CACNG4: variants seen among roughly 807,000 people sequenced by gnomAD.
The protein encoded by CACNG4 is voltage-dependent calcium channel gamma-4 subunit.
Under a neutral mutation model 22.9 loss-of-function variants are expected in CACNG4, and 8 were observed. The ratio of observed to expected loss-of-function variants is 0.35; its 90% CI spans 0.21 to 0.63. The LOEUF is 0.63. Among genes scored for constraint, CACNG4 ranks in the 30% least tolerant of loss-of-function variants. CACNG4 has a pLI of 0.72. For synonymous variants in CACNG4, 188 were observed against 191.9 expected (o/e 0.98, Z 0.17); for missense variants, 357 against 455.4 (o/e 0.78, Z 1.97).
At chr17:67,020,798 C>T (rs2035527073) in intron 2 of CACNG4, among the ~76,000 whole-genome samples, 2 of 152,128 alleles carry the variant, frequency 1.3e-5, no homozygotes, top group Non-Finnish European at 2.9e-5. Flanking sequence ...TCTTCTGGTC[C>T]CTGTCCAGAC....
intron 1 of CACNG4, among the ~76,000 whole-genome samples, chr17:66,967,679 A>G (rs1016372902): frequency 1.3e-5 from 2 of 152,246 alleles, no homozygotes; most frequent in Admixed American, 6.5e-5. Context: ...AAATGAACAG[A>G]AGAAAATGAA....
Position 67,031,018 on chromosome 17 carries a change from T to A in CACNG4, c.*14T>A, listed in dbSNP as rs200543453. 2 of 1,601,690 alleles carry A rather than the reference T, an allele frequency of 1.2e-6. No homozygotes were observed. The highest frequency in any genetic ancestry group is 4.5e-5 in the East Asian group (2 of 44,690). ...ACCCCTGTGTGAGCCGCCTGCCCTT[T>A]CTCTCCGCTCCAGCCTCTCCCCAGA... On this transcript the variant is annotated 3_prime_UTR_variant, in exon 4 of 4. Coordinates refer to ENST00000262138, the MANE Select transcript of CACNG4 (RefSeq NM_014405.4). This position sits in a 1 kb window ranked among gnomAD's most constrained non-coding sequence, Gnocchi z 4.0.
chr17:67,022,829 T>A (rs2035540263), intron 2 of CACNG4, among the ~76,000 whole-genome samples: 1 of 152,224 alleles, frequency 6.6e-6, no homozygotes, highest in African/African-American at 2.4e-5. Context: ...CCCTCTCGCC[T>A]TCCTCCCAGC....
In CACNG4 at chr17:67,018,275, G is replaced by C; in HGVS notation, c.304+3G>C. The C allele has an allele frequency of 6.2e-7, 1 of 1,610,928 alleles. No homozygotes were observed. The highest frequency in any genetic ancestry group is 8.5e-7 in the Non-Finnish European group (1 of 1,177,040). On this transcript the variant is annotated splice_donor_region_variant and intron_variant, in intron 2 of 3. Transcript: ENST00000262138. ...CGACAGCTCGGAGTACCTCCTCCGT[G>C]AGTGTCAGGAGGCCTGGACTCTCTT...
At chr17:66,999,136 A>G (rs1463111321) in intron 1 of CACNG4, among the ~76,000 whole-genome samples, 1 of 152,180 alleles carries the variant, frequency 6.6e-6, no homozygotes, top group African/African-American at 2.4e-5. Context: ...CTTCATCTGT[A>G]AAATGGAGTG....
At chr17:67,009,837 C>G (rs980674629) in intron 1 of CACNG4, among the ~76,000 whole-genome samples, 1 of 151,882 alleles carries the variant, frequency 6.6e-6, no homozygotes, top group Non-Finnish European at 1.5e-5. Flanking sequence ...CTAATCACCT[C>G]CTAACATCAT....
chr17:66,998,203 C>T (rs957896309), intron 1 of CACNG4, among the ~76,000 whole-genome samples: 2 of 152,166 alleles, frequency 1.3e-5, no homozygotes, highest in African/African-American at 4.8e-5. Context: ...AGGCCTCAGA[C>T]ATCCTGCAGA....
At chr17:66,971,445 A>G (rs1209349041) in intron 1 of CACNG4, among the ~76,000 whole-genome samples, 1 of 152,146 alleles carries the variant, frequency 6.6e-6, no homozygotes, top group Non-Finnish European at 1.5e-5. Flanking sequence ...CTCACTGAAC[A>G]CCTGGTCTGT....
intron 1 of CACNG4, among the ~76,000 whole-genome samples, chr17:66,980,732 C>T (rs963331424): frequency 1.4e-5 from 2 of 148,146 alleles, no homozygotes; most frequent in African/African-American, 5.1e-5. Context: ...AATTCTCCTG[C>T]CTCAGCCTCC....
At chr17:67,025,233 T>A (rs2035556962) in intron 3 of CACNG4, among the ~76,000 whole-genome samples, 1 of 152,252 alleles carries the variant, frequency 6.6e-6, no homozygotes, top group South Asian at 2.1e-4. Context: ...TTTTGGATGC[T>A]TGCACAACAT....
intron 1 of CACNG4, among the ~76,000 whole-genome samples, chr17:66,980,038 G>A (rs1455960412): frequency 1.3e-5 from 2 of 152,184 alleles, no homozygotes; most frequent in Non-Finnish European, 2.9e-5. Flanking sequence ...ACAGGCATGA[G>A]CCACTGCACC....
chr17:66,992,831 T>C (rs2035349443), intron 1 of CACNG4, among the ~76,000 whole-genome samples: 1 of 152,238 alleles, frequency 6.6e-6, no homozygotes, highest in Non-Finnish European at 1.5e-5. Context: ...GTGTTATTTT[T>C]CTTTATGAGG....
Position 67,031,061 on chromosome 17 carries a change from A to G in CACNG4, c.*57A>G, listed in dbSNP as rs2035602761. The G allele has an allele frequency of 1.3e-6, 2 of 1,533,902 alleles. No individual in the cohort carries two copies. The highest frequency in any genetic ancestry group is 1.8e-6 in the Non-Finnish European group (2 of 1,130,172). The stretch of plus-strand genomic sequence containing the variant: ...TCCCCAGAACGGCTCTTTTTGTCAC[A>G]CAGGATGGCATGTGATCCTCAAGAC... On this transcript the variant is annotated 3_prime_UTR_variant, in exon 4 of 4. Coordinates refer to ENST00000262138, the MANE Select transcript of CACNG4 (RefSeq NM_014405.4). The surrounding 1 kb of genome is among the most constrained non-coding windows in gnomAD (Gnocchi z 4.0).
chr17:66,996,383 T>C (rs1598111921), intron 1 of CACNG4, among the ~76,000 whole-genome samples: 2 of 94,416 alleles, frequency 2.1e-5, no homozygotes, highest in East Asian at 3.3e-4. Context: ...CCGATTCTTT[T>C]TTTTTTTTTT....
At chr17:66,978,207 C>G (rs554109355) in intron 1 of CACNG4, among the ~76,000 whole-genome samples, 23 of 152,312 alleles carry the variant, frequency 1.5e-4, no homozygotes, top group African/African-American at 5.5e-4. Context: ...CATTGCACCT[C>G]CTTTGAACCT....
At position 66,996,587 on chromosome 17, in the gene CACNG4, G is replaced by A. The variant is rs574355684; in HGVS notation, c.221-21602G>A. Among the ~76,000 whole-genome samples the A allele has an allele frequency of 8.2e-4, 125 of 152,060 alleles. 1 individual carries two copies. The South Asian group carries it at 0.025, about 30-fold the overall frequency. Reference sequence around the variant, plus strand: ...GTAGAGACAGGGTTTCACCATGTTGGCCAGGCTGGTCTCAAACTCCTGACC... The same window carrying A: ...GTAGAGACAGGGTTTCACCATGTTGACCAGGCTGGTCTCAAACTCCTGACC... On this transcript the variant is annotated intron_variant, in intron 1 of 3. Coordinates refer to ENST00000262138, the MANE Select transcript of CACNG4 (RefSeq NM_014405.4).
intron 3 of CACNG4, 72 bp downstream of exon 3, chr17:67,025,072 C>G (rs2035555965): frequency 7.1e-7 from 1 of 1,413,030 alleles, no homozygotes; most frequent in African/African-American, 1.4e-5. Flanking sequence ...GTGTGGTCCC[C>G]ACTGCCAGGC....
In CACNG4 at chr17:66,997,001, C is replaced by T. The variant is rs371156542; in HGVS notation, c.221-21188C>T. On this transcript the variant is annotated intron_variant, in intron 1 of 3. Coordinates refer to ENST00000262138, the MANE Select transcript of CACNG4 (RefSeq NM_014405.4). ...GAAACAGCATGAGCTCCCTGCGGAG[C>T]TCAGGGTTATTGGAGGGTGGGGCCA... Among the ~76,000 whole-genome samples the T allele has an allele frequency of 6.6e-4, 101 of 152,238 alleles. 1 individual carries two copies. The highest frequency in any genetic ancestry group is 2.4e-3 in the African/African-American group (99 of 41,542).
chr17:66,997,440 C>G (rs1325701111), intron 1 of CACNG4, among the ~76,000 whole-genome samples: 1 of 152,058 alleles, frequency 6.6e-6, no homozygotes, highest in Non-Finnish European at 1.5e-5. Flanking sequence ...CATGCTGAGC[C>G]CTGTGGCCCC....
Sources: gnomAD v4.1 joint callset for allele counts (sites outside exome capture counted in the v4.1 genomes callset) on GRCh38, gnomAD v4.1.1 for gene constraint, Gnocchi (gnomAD v3.1) non-coding constraint, MANE v1.5 for transcripts, NCBI Gene and HGNC (gene_info 2026-07-23, HGNC 2026-07-21) for gene names.